Variants in TBL1X observed in about 807,000 individuals in gnomAD.
TBL1X encodes the protein F-box-like/WD repeat-containing protein TBL1X.
In TBL1X, 10 loss-of-function variants were observed where a neutral mutation model predicts 50.7. That is an observed-to-expected ratio of 0.20 (90% CI 0.12 to 0.33). The LOEUF (loss-of-function observed/expected upper bound fraction) is 0.33. Among genes scored for constraint, TBL1X ranks in the 10% least tolerant of loss-of-function variants. The pLI is 1.00. For synonymous variants in TBL1X, 190 were observed against 214.7 expected, an observed-to-expected ratio of 0.88 and a Z score of 1.01; for missense variants, 340 against 504.4, an observed-to-expected ratio of 0.67 and a Z score of 3.12.
intron 2 of TBL1X, among the ~76,000 whole-genome samples, chrX:9,549,972 AC>A (rs35995616): frequency 1.8e-5 from 2 of 111,696 alleles, no homozygotes; most frequent in African/African-American, 6.5e-5. Flanking sequence ...CTTTCGTGAC[AC>A]CCAGCCTTCA....
chrX:9,605,088 C>T (rs111458188), intron 2 of TBL1X, among the ~76,000 whole-genome samples: 1 of 110,437 alleles, frequency 9.1e-6, no homozygotes, highest in African/African-American at 3.3e-5. Context: ...CTGGTGGTGG[C>T]GGCTTCACGT....
chrX:9,588,153 A>C (rs1392526961), intron 2 of TBL1X, among the ~76,000 whole-genome samples: 1 of 112,323 alleles, frequency 8.9e-6, no homozygotes, highest in African/African-American at 3.2e-5. Context: ...TTTACATGAC[A>C]TTGACATTGT....
rs200855106 is a variant in TBL1X, at chrX:9,716,265, A to G, written c.*19A>G. ...GAAGTAACCACAAAATATTATCGAAAAAAGAAAAGAATTCTAATGACCAGC... is the reference window on the plus strand; with the variant it reads ...GAAGTAACCACAAAATATTATCGAAGAAAGAAAAGAATTCTAATGACCAGC... On this transcript the variant is annotated 3_prime_UTR_variant, in exon 18 of 18. Coordinates refer to ENST00000645353, the MANE Select transcript of TBL1X (RefSeq NM_005647.4). The G allele has an allele frequency of 4.3e-3, 5,221 of 1,201,796 alleles. 21 individuals carry two copies. Among genetic ancestry groups the G allele is most frequent in the Non-Finnish European group, 5.4e-3 (4,811 of 889,070 alleles).
chrX:9,615,867 C>T (rs1489137342), intron 2 of TBL1X, among the ~76,000 whole-genome samples: 1 of 112,091 alleles, frequency 8.9e-6, no homozygotes, highest in Non-Finnish European at 1.9e-5. Flanking sequence ...TTCTTCACTG[C>T]GTAGCACCTT....
At chrX:9,503,162 G>T (rs1010814641) in intron 2 of TBL1X, among the ~76,000 whole-genome samples, 1 of 112,301 alleles carries the variant, frequency 8.9e-6, no homozygotes, top group Non-Finnish European at 1.9e-5. Flanking sequence ...GACCCACAGA[G>T]AGAAGGAAGA....
chrX:9,617,054 G>A (rs757479774), intron 2 of TBL1X, among the ~76,000 whole-genome samples: 11 of 111,858 alleles, frequency 9.8e-5, no homozygotes, highest in Admixed American at 3.8e-4. Flanking sequence ...TTCACTAGTT[G>A]GAGCCTTGGA....
chrX:9,562,392 G>T (rs1008551897), intron 2 of TBL1X, among the ~76,000 whole-genome samples: 1 of 112,108 alleles, frequency 8.9e-6, no homozygotes, highest in African/African-American at 3.2e-5. Context: ...GCAGCTGATA[G>T]CTTGTTAAAA....
rs142777202 is a variant in TBL1X at position 9,702,316 on chromosome X, C to T, written c.1115-2677C>T. On this transcript the variant is annotated intron_variant, in intron 12 of 17. Coordinates refer to ENST00000645353, the MANE Select transcript of TBL1X (RefSeq NM_005647.4). ...AATGAGCCAGGCTTGGTGGCGTGCACCTGTCATCCCAGCTACTAGGGAGGC... is the reference window on the plus strand; with the variant it reads ...AATGAGCCAGGCTTGGTGGCGTGCATCTGTCATCCCAGCTACTAGGGAGGC... Among the ~76,000 whole-genome samples the T allele has an allele frequency of 6.3e-3, 689 of 108,926 alleles. 8 individuals carry two copies. The highest frequency in any genetic ancestry group is 0.022 in the African/African-American group (648 of 29,777). 94.6% of individuals were successfully genotyped at this position (108,926 alleles called of 115,157 possible). A position where few individuals can be genotyped will look rare whatever the true frequency, so the allele number is the denominator to read the frequency against.
chrX:9,493,483 T>C (rs1159403786), intron 1 of TBL1X, among the ~76,000 whole-genome samples: 1 of 112,141 alleles, frequency 8.9e-6, no homozygotes, highest in African/African-American at 3.2e-5. Flanking sequence ...CCATGTAGGC[T>C]GGACGTGATG....
rs145895365 is a variant in TBL1X at position 9,688,220 on chromosome X, A to G, written c.561A>G (p.Pro187=). ...CAGCCGGCGTTTCCCACCAAAATCCATCGAAGAACAGAGAGGCCACGGTGA... is the reference window on the plus strand; with the variant it reads ...CAGCCGGCGTTTCCCACCAAAATCCGTCGAAGAACAGAGAGGCCACGGTGA... ...TTSAGVSHQN[P]SKNREATVNG... is the part of the protein sequence containing the mutation. The change falls in exon 7 of 18, where the codon CCA becomes CCG. Residue 187 remains proline (P), a synonymous_variant. Transcript: ENST00000645353. The G allele has an allele frequency of 1.5e-4, 182 of 1,198,181 alleles. No homozygotes were observed. Among genetic ancestry groups the G allele is most frequent in the Non-Finnish European group, 2.0e-4 (176 of 888,940 alleles).
intron 2 of TBL1X, among the ~76,000 whole-genome samples, chrX:9,546,944 G>C (rs375126027): frequency 2.0e-5 from 2 of 98,772 alleles, no homozygotes; most frequent in Non-Finnish European, 4.1e-5. Context: ...TCAGCCTCCC[G>C]AGTAGCTGGG....
chrX:9,704,834 G>A (rs760796143), intron 12 of TBL1X, among the ~76,000 whole-genome samples, 159 bp from the exon 13 acceptor site: 5 of 112,205 alleles, frequency 4.5e-5, no homozygotes, highest in Admixed American at 1.9e-4. Flanking sequence ...AGCCATGATC[G>A]CACCACTACA....
At chrX:9,569,033 TG>T (rs2082368749) in intron 2 of TBL1X, among the ~76,000 whole-genome samples, 1 of 99,761 alleles carries the variant, frequency 1.0e-5, no homozygotes, top group African/African-American at 3.8e-5. Context: ...TGTGTGTGTG[TG>T]GTGTGCTGTA....
At chrX:9,615,577 G>C (rs1286295454) in intron 2 of TBL1X, among the ~76,000 whole-genome samples, 1 of 112,102 alleles carries the variant, frequency 8.9e-6, no homozygotes, top group African/African-American at 3.2e-5. Flanking sequence ...TTCATGCCCA[G>C]CTTTGAGTAT....
intron 12 of TBL1X, among the ~76,000 whole-genome samples, chrX:9,698,768 G>A (rs974367310): frequency 1.6e-4 from 18 of 111,949 alleles, no homozygotes; most frequent in South Asian, 3.7e-4. Context: ...GCCAAGGGCC[G>A]GCCTTGCAAG....
At chrX:9,702,771 T>C (rs998810603) in intron 12 of TBL1X, among the ~76,000 whole-genome samples, 1 of 111,895 alleles carries the variant, frequency 8.9e-6, no homozygotes, top group African/African-American at 3.3e-5. Context: ...GAACATAACT[T>C]GGCAAATAAC....
intron 2 of TBL1X, among the ~76,000 whole-genome samples, chrX:9,580,329 C>G (rs1179262212): frequency 8.9e-6 from 1 of 112,284 alleles, no homozygotes; most frequent in Non-Finnish European, 1.9e-5. Context: ...CATGAAACAT[C>G]AATCAGTATA....
In TBL1X at chrX:9,514,918, G is replaced by A. The variant is rs141107420; in HGVS notation, c.-131+13069G>A. On this transcript the variant is annotated intron_variant, in intron 2 of 17. Coordinates refer to ENST00000645353, the MANE Select transcript of TBL1X (RefSeq NM_005647.4). Reference sequence around the variant, plus strand: ...AGAAGAGCTCATAGCGAGCCAGGGCGAACAACCTGGCGAGGAGCTCCTTGA... The same window carrying A: ...AGAAGAGCTCATAGCGAGCCAGGGCAAACAACCTGGCGAGGAGCTCCTTGA... 9.1e-3 allele frequency among the ~76,000 whole-genome samples: 1,021 copies of A among 112,208 alleles called. 13 individuals carry two copies. The highest frequency in any genetic ancestry group is 0.031 in the African/African-American group (965 of 30,899).
At chrX:9,677,724 A>T (rs935190569) in intron 5 of TBL1X, among the ~76,000 whole-genome samples, 3 of 111,778 alleles carry the variant, frequency 2.7e-5, no homozygotes, top group Non-Finnish European at 3.8e-5. Flanking sequence ...TTGGGAACTG[A>T]GTAATAAATT....
Sources: gnomAD v4.1 joint callset for allele counts (sites outside exome capture counted in the v4.1 genomes callset) on GRCh38, gnomAD v4.1.1 for gene constraint, MANE v1.5 for transcripts, NCBI Gene and HGNC (gene_info 2026-07-23, HGNC 2026-07-21) for gene names.